Variants in SSH2 observed in about 807,000 individuals in gnomAD.
The protein encoded by SSH2 is protein phosphatase Slingshot homolog 2.
A neutral mutation model predicts 135.2 loss-of-function variants in SSH2; 37 were observed. That is an observed-to-expected ratio of 0.27 (90% CI 0.21 to 0.36). SSH2 has a LOEUF of 0.36. SSH2 is among the 10% of genes least tolerant of loss of function. The probability of loss-of-function intolerance (pLI) is 1.00; values close to 1 mark genes in which losing one functional copy is unlikely to be tolerated. For synonymous variants in SSH2, 628 were observed against 646.2 expected, an observed-to-expected ratio of 0.97 and a Z score of 0.43; for missense variants, 1,408 against 1,765.3, an observed-to-expected ratio of 0.80 and a Z score of 3.63.
At chr17:29,816,698 TA>T (rs1203690373) in intron 2 of SSH2, among the ~76,000 whole-genome samples, 669 of 138,934 alleles carry the variant, frequency 4.8e-3, no homozygotes, top group Non-Finnish European at 5.8e-3. Flanking sequence ...ATTCTGCACT[TA>T]AAAAAAAAAA....
chr17:29,835,335 A>C (rs1329484952), intron 2 of SSH2, among the ~76,000 whole-genome samples: 1 of 152,214 alleles, frequency 6.6e-6, no homozygotes, highest in East Asian at 1.9e-4. Context: ...AACAAAAAAA[A>C]CTTAGCCAAA....
chr17:29,674,205 G>T, intron 8 of SSH2: 1 of 454,780 alleles, frequency 2.2e-6, no homozygotes, highest in South Asian at 1.6e-5. Context: ...AATTTAATCA[G>T]AGGAAAATGT....
At chr17:29,751,653 T>A (rs2040948645) in intron 3 of SSH2, among the ~76,000 whole-genome samples, 1 of 152,204 alleles carries the variant, frequency 6.6e-6, no homozygotes, top group South Asian at 2.1e-4. Context: ...AGTCACTAGG[T>A]GATTTTTCAT....
In SSH2 at chr17:29,637,550, G is replaced by C. The variant is rs75085859; in HGVS notation, c.1428-748C>G. Among the ~76,000 whole-genome samples, 679 of 152,314 alleles carry C rather than the reference G, an allele frequency of 4.5e-3. 3 individuals are homozygous for C. Among genetic ancestry groups the C allele is most frequent in the Non-Finnish European group, 7.8e-3 (528 of 68,034 alleles). ...ATCTCAGCACTTCATGGGAGGCCGA[G>C]GCGGGCAGATCGCTTGAGCCCAGAA... On this transcript the variant is annotated intron_variant, in intron 14 of 15. Coordinates refer to ENST00000540801, the MANE Select transcript of SSH2 (RefSeq NM_001282129.2).
intron 3 of SSH2, among the ~76,000 whole-genome samples, chr17:29,729,565 T>G (rs1005259987): frequency 6.6e-6 from 1 of 152,130 alleles, no homozygotes; most frequent in Non-Finnish European, 1.5e-5. Context: ...GAAATCAGTA[T>G]AAAAAGAGAT....
intron 1 of SSH2, among the ~76,000 whole-genome samples, chr17:29,876,661 T>G (rs1056675592): frequency 4.0e-5 from 6 of 151,630 alleles, no homozygotes; most frequent in African/African-American, 1.5e-4. Context: ...AAACTGAATA[T>G]CCATATGCAG....
intron 1 of SSH2, among the ~76,000 whole-genome samples, chr17:29,870,049 T>C (rs2065913629): frequency 6.6e-6 from 1 of 151,994 alleles, no homozygotes; most frequent in South Asian, 2.1e-4. Flanking sequence ...CTATTAAAAA[T>C]AAAACTATTC....
chr17:29,724,322 A>T (rs2151173178), intron 3 of SSH2, among the ~76,000 whole-genome samples: 1 of 152,196 alleles, frequency 6.6e-6, no homozygotes, highest in Non-Finnish European at 1.5e-5. Context: ...TGAGGTCGGG[A>T]GTTCAAGACC....
At position 29,627,308 on chromosome 17, in the gene SSH2, T is replaced by A. The variant is rs1006780843; in HGVS notation, c.*3533A>T. ...TAAAAAAAGAACTCTCACAAAAACATTTTTACCAAACATGCCTAGATCACT... is the reference window on the plus strand; with the variant it reads ...TAAAAAAAGAACTCTCACAAAAACAATTTTACCAAACATGCCTAGATCACT... On this transcript the variant is annotated 3_prime_UTR_variant, in exon 16 of 16. Transcript: ENST00000540801. The A allele has an allele frequency of 2.6e-5, 4 of 152,644 alleles. No homozygotes were observed. The highest frequency in any genetic ancestry group is 9.6e-5 in the African/African-American group (4 of 41,452). 9.5% of individuals were successfully genotyped at this position (152,644 alleles called of 1,614,324 possible). A position where few individuals can be genotyped will look rare whatever the true frequency, so the allele number is the denominator to read the frequency against.
At position 29,728,853 on chromosome 17, in the gene SSH2, G is replaced by A. The variant is rs374111438; in HGVS notation, c.189-25791C>T. Among the ~76,000 whole-genome samples, 8 of 152,326 alleles carry A rather than the reference G, an allele frequency of 5.3e-5. No individual in the cohort carries two copies. In the East Asian group the frequency reaches 7.7e-4, roughly 15 times the overall value. On this transcript the variant is annotated intron_variant, in intron 3 of 15. Transcript: ENST00000540801. ...GAAATACTGATGTCCATATGCAGAA[G>A]AGTGAAACTAGCCTCCATCTCTCGC...
chr17:29,922,220 T>G (rs2066988241), intron 1 of SSH2, among the ~76,000 whole-genome samples: 1 of 152,182 alleles, frequency 6.6e-6, no homozygotes, highest in East Asian at 1.9e-4. Flanking sequence ...AGGCAGGGAC[T>G]TGGGAAGAGA....
chr17:29,923,637 G>A (rs1029997407), intron 1 of SSH2, among the ~76,000 whole-genome samples: 1 of 150,706 alleles, frequency 6.6e-6, no homozygotes, highest in Non-Finnish European at 1.5e-5. Flanking sequence ...AAAAAAATCC[G>A]GGGGCAGGGG....
At chr17:29,912,742 C>G (rs965601986) in intron 1 of SSH2, among the ~76,000 whole-genome samples, 5 of 151,814 alleles carry the variant, frequency 3.3e-5, no homozygotes, top group Non-Finnish European at 7.4e-5. Context: ...AAAGTCCACC[C>G]CTCCCACCAA....
At position 29,667,242 on chromosome 17, in the gene SSH2, C is replaced by G. The variant is rs987285226; in HGVS notation, c.810-19G>C. On this transcript the variant is annotated intron_variant, in intron 9 of 15. Transcript: ENST00000540801. ...AGTAGGTCTGAGAAGAGAGAAATAA[C>G]GATTATTCTTAAACGATATTCTTAA... 1.4e-5 allele frequency: 20 copies of G among 1,433,158 alleles called. No homozygotes were observed. The highest frequency in any genetic ancestry group is 1.9e-5 in the Non-Finnish European group (20 of 1,027,104). 88.8% of individuals were successfully genotyped at this position (1,433,158 alleles called of 1,614,324 possible). A position where few individuals can be genotyped will look rare whatever the true frequency, so the allele number is the denominator to read the frequency against.
intron 3 of SSH2, chr17:29,776,564 T>C (rs1326310037): frequency 6.6e-6 from 1 of 152,258 alleles, no homozygotes; most frequent in Non-Finnish European, 1.5e-5. Flanking sequence ...GTCCACCAGC[T>C]TTGTAAAGTT....
intron 1 of SSH2, among the ~76,000 whole-genome samples, chr17:29,885,046 C>T (rs566587911): frequency 2.4e-4 from 36 of 152,262 alleles, no homozygotes; most frequent in African/African-American, 7.0e-4. Flanking sequence ...AGCCTGAGTA[C>T]GGGCTAAAGT....
Position 29,636,653 on chromosome 17 carries a change from C to T in SSH2, c.1577G>A (p.Ser526Asn). The T allele has an allele frequency of 6.2e-7, 1 of 1,614,122 alleles. No individual in the cohort carries two copies. Residue 526 changes from serine (S) to asparagine (N), a missense_variant, in exon 15 of 16, where the codon AGT (serine) becomes AAT (asparagine). Transcript: ENST00000540801. The stretch of plus-strand genomic sequence containing the variant: ...AAAGACAGGAGGTATGGGTGGGTGA[C>T]TCTCCATGGTCTTCACCTCAGCAAT... ...DQIAEVKTME[S>N]HPPIPPVFVE...
chr17:29,644,181 G>A (rs546064868), intron 14 of SSH2, among the ~76,000 whole-genome samples: 5 of 152,276 alleles, frequency 3.3e-5, no homozygotes, highest in South Asian at 2.1e-4. Context: ...TTGCTGCTGC[G>A]GAGGCAGCAC....
intron 2 of SSH2, among the ~76,000 whole-genome samples, chr17:29,802,273 A>C (rs1457462833): frequency 6.6e-6 from 1 of 152,166 alleles, no homozygotes; most frequent in Non-Finnish European, 1.5e-5. Context: ...AGTAAGCACA[A>C]CTGTCCTTAT....
Sources: allele counts gnomAD v4.1 joint callset (sites outside exome capture counted in the v4.1 genomes callset), GRCh38; gene constraint gnomAD v4.1.1; transcripts MANE v1.5; gene names NCBI Gene and HGNC (gene_info 2026-07-23, HGNC 2026-07-21).